The following NSD2 variants were observed in gnomAD, a reference collection of about 807,000 sequenced individuals.
The protein encoded by NSD2 is nuclear receptor binding SET domain protein 2, also known as histone-lysine N-methyltransferase NSD2.
A neutral mutation model predicts 139.0 loss-of-function variants in NSD2; 12 were observed. The ratio of observed to expected loss-of-function variants is 0.09; its 90% CI spans 0.06 to 0.14. NSD2 has a LOEUF of 0.14. Among genes scored for constraint, NSD2 ranks in the 10% least tolerant of loss-of-function variants. The pLI, the probability that NSD2 is intolerant of heterozygous loss-of-function variation, is 1.00. For synonymous variants in NSD2, 669 were observed against 648.7 expected (o/e 1.03, Z -0.48); for missense variants, 1,155 against 1,745.0 (o/e 0.66, Z 6.02).
intron 20 of NSD2, 111 bp downstream of exon 20, chr4:1,975,511 G>T: frequency 1.0e-6 from 1 of 964,184 alleles, no homozygotes; most frequent in Non-Finnish European, 1.6e-6. Flanking sequence ...TTGTTGCCGG[G>T]ACAGGTGGGA....
chr4:1,901,011 T>C lies in NSD2; in HGVS notation c.357T>C (p.Asn119=). 1 of 1,614,180 alleles carries C rather than the reference T, an allele frequency of 6.2e-7. No individual in the cohort carries two copies. Among genetic ancestry groups the C allele is most frequent in the Non-Finnish European group, 8.5e-7 (1 of 1,180,040 alleles). The change falls in exon 2 of 22, where the codon AAT becomes AAC. Residue 119 remains asparagine (N), a synonymous_variant. Transcript: ENST00000508803. ...GTPPNTTPIK[N]GSPEIKLKIT... ...CCCCTAACACTACCCCTATCAAAAA[T>C]GGCTCTCCAGAAATTAAGCTGAAAA...
At position 1,955,346 on chromosome 4, in the gene NSD2, G is replaced by A. The variant is rs1212179878; in HGVS notation, c.2518+6G>A. The stretch of plus-strand genomic sequence containing the variant: ...GTGCTTCGTGTGCTCCAAAGGTGAG[G>A]GGCCTGGGGGTGTCTGCGGCACACG... On this transcript the variant is annotated splice_donor_region_variant and intron_variant, in intron 13 of 21. Coordinates refer to ENST00000508803, the MANE Select transcript of NSD2 (RefSeq NM_001042424.3). The surrounding 1 kb of genome is among the most constrained non-coding windows in gnomAD (Gnocchi z 4.7). 6.2e-7 allele frequency: 1 copy of A among 1,604,028 alleles called. No homozygotes were observed. Among genetic ancestry groups the A allele is most frequent in the Admixed American group, 1.7e-5 (1 of 59,860 alleles).
rs758400374 is a variant in NSD2, at chr4:1,916,953, C to T, written c.843C>T (p.Leu281=). Residue 281 remains leucine, a synonymous_variant, in exon 4 of 22, where the codon CTC becomes CTT. Coordinates refer to ENST00000508803, the MANE Select transcript of NSD2 (RefSeq NM_001042424.3). ...GAGCTTGGATATTTGAGAAGAGCCT[C>T]GTAGCTTTTGAAGGAGAAGGACAGT... ...PERAWIFEKS[L]VAFEGEGQFE... The T allele has an allele frequency of 1.7e-5, 28 of 1,613,962 alleles. No individual in the cohort carries two copies. Among genetic ancestry groups the T allele is most frequent in the Non-Finnish European group, 1.9e-5 (23 of 1,180,008 alleles).
At chr4:1,924,300 T>G (rs1401790650) in intron 5 of NSD2, among the ~76,000 whole-genome samples, 1 of 152,116 alleles carries the variant, frequency 6.6e-6, no homozygotes, top group Non-Finnish European at 1.5e-5. Context: ...CAGCTAGGCC[T>G]GCGCAGGGTT....
At chr4:1,893,186 C>T (rs1026269313) in intron 1 of NSD2, among the ~76,000 whole-genome samples, 1 of 152,162 alleles carries the variant, frequency 6.6e-6, no homozygotes, top group Non-Finnish European at 1.5e-5. Flanking sequence ...AACTCTCAGG[C>T]CAGGCTCGGT....
At chr4:1,965,950 G>C (rs1464114388) in intron 18 of NSD2, among the ~76,000 whole-genome samples, 1 of 152,194 alleles carries the variant, frequency 6.6e-6, no homozygotes, top group Non-Finnish European at 1.5e-5. Flanking sequence ...CGATTTGGGT[G>C]GGGACACAAA....
At chr4:1,953,661 C>T (rs2108951651) in intron 12 of NSD2, 137 bp downstream of exon 12, 1 of 1,150,664 alleles carries the variant, frequency 8.7e-7, no homozygotes. Flanking sequence ...TGGACATCGG[C>T]TGGGTTGGGT....
chr4:1,871,728 AGGCCGGGC>A (rs1297259238), intron 1 of NSD2, among the ~76,000 whole-genome samples, 186 bp downstream of exon 1: 4 of 146,074 alleles, frequency 2.7e-5, no homozygotes, highest in African/African-American at 7.6e-5. Flanking sequence ...GGGGACCGGG[AGGCCGGGC>A]GGCCTGAGAG....
intron 3 of NSD2, among the ~76,000 whole-genome samples, chr4:1,911,417 G>A (rs1007580960): frequency 2.6e-5 from 4 of 151,848 alleles, no homozygotes; most frequent in Admixed American, 2.0e-4. Flanking sequence ...ATGAAACCCT[G>A]TTTCTGCTAA....
intron 6 of NSD2, among the ~76,000 whole-genome samples, chr4:1,931,618 C>A (rs750870676): frequency 5.9e-5 from 9 of 151,994 alleles, no homozygotes; most frequent in Admixed American, 2.0e-4. Context: ...AAAGGGAAGT[C>A]GGGGCCCAGA....
intron 6 of NSD2, among the ~76,000 whole-genome samples, chr4:1,931,976 G>C (rs1050639845): frequency 6.6e-6 from 1 of 152,212 alleles, no homozygotes; most frequent in Non-Finnish European, 1.5e-5. Context: ...ATATTTTGCT[G>C]AGTGCTTAGT....
At position 1,976,537 on chromosome 4, in the gene NSD2, C is replaced by T. The variant is rs1221840701; in HGVS notation, c.3684C>T (p.Arg1228=). 6.2e-7 allele frequency: 1 copy of T among 1,613,960 alleles called. No homozygotes were observed. Among genetic ancestry groups the T allele is most frequent in the African/African-American group, 1.3e-5 (1 of 75,076 alleles). The change falls in exon 21 of 22, where the codon CGC becomes CGT. Residue 1228 remains arginine, a synonymous_variant. Transcript: ENST00000508803. The surrounding 1 kb of genome is among the most constrained non-coding windows in gnomAD (Gnocchi z 5.3). ...AGACCAAGAAGAAAACGAGGCGGCGCAGAGCAAAAGGGGAAGGGAAGAGGC... is the reference window on the plus strand; with the variant it reads ...AGACCAAGAAGAAAACGAGGCGGCGTAGAGCAAAAGGGGAAGGGAAGAGGC... ...GKKTKKKTRR[R]RAKGEGKRQS...
At chr4:1,872,591 T>TGTGTGAGAGAGAGA (rs1281608141) in intron 1 of NSD2, among the ~76,000 whole-genome samples, 62 of 44,862 alleles carry the variant, frequency 1.4e-3, no homozygotes, top group Admixed American at 4.1e-3. Context: ...TGTGTGTGTG[T>TGTGTGAGAGAGAGA]GAGAGAGAGA....
Position 1,961,020 on chromosome 4 carries a change from G to C in NSD2, c.3256-15G>C. 1.2e-6 allele frequency: 2 copies of C among 1,607,678 alleles called. No homozygotes were observed. The highest frequency in any genetic ancestry group is 1.7e-6 in the Non-Finnish European group (2 of 1,174,544). On this transcript the variant is annotated splice_polypyrimidine_tract_variant and intron_variant, in intron 17 of 21. Transcript: ENST00000508803. The stretch of plus-strand genomic sequence containing the variant: ...AGCACGCTTTTTGTCATGGCCACAT[G>C]CTTGTGATTTCCAGGGAGAATTTGT...
At chr4:1,891,957 A>G (rs1178787791) in intron 1 of NSD2, among the ~76,000 whole-genome samples, 2 of 151,948 alleles carry the variant, frequency 1.3e-5, no homozygotes, top group African/African-American at 4.8e-5. Flanking sequence ...CCAGGAAGGA[A>G]TAGTCTTCCT....
At chr4:1,899,137 T>C (rs910628582) in intron 1 of NSD2, 1 of 152,254 alleles carries the variant, frequency 6.6e-6, no homozygotes, top group African/African-American at 2.4e-5. Flanking sequence ...TAAAGAGTTG[T>C]CCAGAGCACA....
At chr4:1,951,935 G>T (rs1478501206) in intron 10 of NSD2, 173 bp from the exon 11 acceptor site, 4 of 1,018,366 alleles carry the variant, frequency 3.9e-6, no homozygotes, top group Non-Finnish European at 5.5e-6. Context: ...ATCTGATTCT[G>T]TATTTGTACG....
rs977535168 is a variant in NSD2, at chr4:1,948,649, C to G, written c.1882-2423C>G. ...CTGTATGTGGGTCCCAGACCCTGATCAGGAAATGAGCCTCATGTGTGTCGT... is the reference window on the plus strand; with the variant it reads ...CTGTATGTGGGTCCCAGACCCTGATGAGGAAATGAGCCTCATGTGTGTCGT... On this transcript the variant is annotated intron_variant, in intron 9 of 21. Coordinates refer to ENST00000508803, the MANE Select transcript of NSD2 (RefSeq NM_001042424.3). This position sits in a 1 kb window ranked among gnomAD's most constrained non-coding sequence, Gnocchi z 4.5. 1 of 1,060,894 alleles carries G rather than the reference C, an allele frequency of 9.4e-7. No homozygotes were observed. The highest frequency in any genetic ancestry group is 5.4e-5 in the Admixed American group (1 of 18,526). 65.7% of individuals were successfully genotyped at this position (1,060,894 alleles called of 1,614,324 possible). A position where few individuals can be genotyped will look rare whatever the true frequency, so the allele number is the denominator to read the frequency against.
intron 1 of NSD2, among the ~76,000 whole-genome samples, chr4:1,879,598 C>T (rs926293020): frequency 6.6e-6 from 1 of 152,150 alleles, no homozygotes; most frequent in African/African-American, 2.4e-5. Flanking sequence ...TTTCTAGCAT[C>T]TTTGCTGGCC....
Sources: gnomAD v4.1 joint callset for allele counts (sites outside exome capture counted in the v4.1 genomes callset) on GRCh38, gnomAD v4.1.1 for gene constraint, Gnocchi (gnomAD v3.1) non-coding constraint, MANE v1.5 for transcripts, NCBI Gene and HGNC (gene_info 2026-07-23, HGNC 2026-07-21) for gene names.